The following WDR70 variants were observed in gnomAD, a reference collection of about 807,000 sequenced individuals.
The protein encoded by WDR70 is WD repeat-containing protein 70.
A neutral mutation model predicts 88.6 loss-of-function variants in WDR70; 53 were observed. The observed-to-expected ratio is 0.60, with a 90% CI of 0.48 to 0.75. The LOEUF (loss-of-function observed/expected upper bound fraction) is 0.75, where lower values mean the gene tolerates loss of function less well. WDR70 is among the 30% of genes least tolerant of loss of function. WDR70 has a pLI of 0.00. For synonymous variants in WDR70, 280 were observed against 270.0 expected (o/e 1.04, Z -0.36); for missense variants, 610 against 823.2 (o/e 0.74, Z 3.17).
chr5:37,464,835 T>C (rs920895289), intron 7 of WDR70, among the ~76,000 whole-genome samples: 1 of 152,076 alleles, frequency 6.6e-6, no homozygotes, highest in Admixed American at 6.5e-5. Flanking sequence ...TGTGTTGCAG[T>C]ACAGAAGCCT....
At chr5:37,541,393 G>A (rs1197541154) in intron 9 of WDR70, among the ~76,000 whole-genome samples, 2 of 152,010 alleles carry the variant, frequency 1.3e-5, no homozygotes, top group South Asian at 2.1e-4. Flanking sequence ...AACTTTCAAC[G>A]ATTTGCATTT....
At chr5:37,444,729 C>T (rs1377536092) in intron 7 of WDR70, among the ~76,000 whole-genome samples, 1 of 152,162 alleles carries the variant, frequency 6.6e-6, no homozygotes, top group African/African-American at 2.4e-5. Context: ...CAACGGTCCC[C>T]AATCTTTTTT....
At chr5:37,507,502 C>G (rs909565857) in intron 8 of WDR70, among the ~76,000 whole-genome samples, 2 of 152,160 alleles carry the variant, frequency 1.3e-5, no homozygotes, top group African/African-American at 2.4e-5. Context: ...TTCTCTTTAT[C>G]TTCCCCCCTC....
At chr5:37,390,871 C>A (rs985758973) in intron 3 of WDR70, among the ~76,000 whole-genome samples, 7 of 151,808 alleles carry the variant, frequency 4.6e-5, no homozygotes, top group Non-Finnish European at 7.4e-5. Flanking sequence ...CATGCGCTAC[C>A]ACGCCTGGCT....
chr5:37,523,021 G>A (rs12659405), intron 9 of WDR70, among the ~76,000 whole-genome samples: 39,787 of 152,192 alleles, frequency 0.26, 5,807 homozygotes, highest in East Asian at 0.48. Context: ...GCTCAAGGAG[G>A]CCTGCCTGCC....
At chr5:37,514,906 C>T (rs1408602249) in intron 8 of WDR70, among the ~76,000 whole-genome samples, 2 of 151,618 alleles carry the variant, frequency 1.3e-5, no homozygotes, top group African/African-American at 2.4e-5. Context: ...ATCCCAGTCA[C>T]TTGGGAGGCT....
intron 3 of WDR70, among the ~76,000 whole-genome samples, chr5:37,382,073 G>T (rs1347665270): frequency 3.3e-5 from 5 of 151,522 alleles, no homozygotes; most frequent in African/African-American, 1.2e-4. Flanking sequence ...AGAGAGAAAA[G>T]AATGTTGTTA....
chr5:37,601,153 T>C (rs541167476), intron 9 of WDR70, among the ~76,000 whole-genome samples: 1 of 152,238 alleles, frequency 6.6e-6, no homozygotes, highest in Non-Finnish European at 1.5e-5. Flanking sequence ...TGATGTTAGC[T>C]GTGGGCTTAT....
At chr5:37,533,257 T>C (rs1741553445) in intron 9 of WDR70, among the ~76,000 whole-genome samples, 1 of 152,174 alleles carries the variant, frequency 6.6e-6, no homozygotes, top group African/African-American at 2.4e-5. Flanking sequence ...CAGGAGGTGG[T>C]GCTTTCAAGA....
chr5:37,460,928 AT>A (rs949424226), intron 7 of WDR70, among the ~76,000 whole-genome samples: 2 of 151,700 alleles, frequency 1.3e-5, no homozygotes, highest in African/African-American at 2.4e-5. Context: ...CTCTTTTAAC[AT>A]TTTTTGACTT....
At chr5:37,449,065 C>T (rs1266014428) in intron 7 of WDR70, among the ~76,000 whole-genome samples, 3 of 152,176 alleles carry the variant, frequency 2.0e-5, no homozygotes, top group Non-Finnish European at 4.4e-5. Context: ...ATATGCCATT[C>T]TTTGGCTGCA....
At chr5:37,638,335 A>T (rs762805772) in intron 10 of WDR70, among the ~76,000 whole-genome samples, 1 of 152,186 alleles carries the variant, frequency 6.6e-6, no homozygotes, top group Non-Finnish European at 1.5e-5. Flanking sequence ...TACAGTGGTT[A>T]ATAGTGTGGA....
rs144980940 is a variant in WDR70 at position 37,424,830 on chromosome 5, G to A, written c.493-13092G>A. 8.2e-3 allele frequency among the ~76,000 whole-genome samples: 1,242 copies of A among 152,242 alleles called. 15 individuals are homozygous for A. Among genetic ancestry groups the A allele is most frequent in the African/African-American group, 0.028 (1,180 of 41,556 alleles). ...TTTTTTCCAGCTTTTTGTCAAAAAA[G>A]TATTTTTTTATATGTGCCTACTATA... On this transcript the variant is annotated intron_variant, in intron 5 of 17. Transcript: ENST00000265107.
At chr5:37,520,742 G>A (rs867779401) in intron 9 of WDR70, among the ~76,000 whole-genome samples, 18 of 152,226 alleles carry the variant, frequency 1.2e-4, no homozygotes, top group Admixed American at 2.6e-4. Flanking sequence ...CCCAGTAAAA[G>A]TTCTAAGTAA....
intron 10 of WDR70, among the ~76,000 whole-genome samples, chr5:37,684,036 C>A (rs920422118): frequency 1.3e-5 from 2 of 152,054 alleles, no homozygotes; most frequent in African/African-American, 4.8e-5. Context: ...GTTTTAGATG[C>A]TCCTTTTCAT....
chr5:37,662,484 C>T (rs1745728659), intron 10 of WDR70, among the ~76,000 whole-genome samples: 1 of 152,070 alleles, frequency 6.6e-6, no homozygotes, highest in South Asian at 2.1e-4. Context: ...TCAGTGCATC[C>T]CTGTGCTTGT....
intron 7 of WDR70, among the ~76,000 whole-genome samples, chr5:37,465,847 A>T (rs1353650790): frequency 6.7e-6 from 1 of 150,340 alleles, no homozygotes; most frequent in African/African-American, 2.4e-5. Context: ...TTCATTTTTG[A>T]TAGATAAATT....
At chr5:37,422,728 T>C (rs1749983892) in intron 5 of WDR70, among the ~76,000 whole-genome samples, 1 of 152,070 alleles carries the variant, frequency 6.6e-6, no homozygotes, top group South Asian at 2.1e-4. Context: ...TCCGCCTGCC[T>C]CCTCAGCCTC....
At chr5:37,611,672 A>G (rs1744195681) in intron 10 of WDR70, among the ~76,000 whole-genome samples, 1 of 151,692 alleles carries the variant, frequency 6.6e-6, no homozygotes, top group South Asian at 2.1e-4. Flanking sequence ...TTTTGAAAAC[A>G]TTTTATTACG....
Sources: allele counts gnomAD v4.1 joint callset (sites outside exome capture counted in the v4.1 genomes callset), GRCh38; gene constraint gnomAD v4.1.1; transcripts MANE v1.5; gene names NCBI Gene and HGNC (gene_info 2026-07-23, HGNC 2026-07-21).